Variants in FBXO15 observed in about 807,000 individuals in gnomAD.
FBXO15 encodes F-box protein 15.
A neutral mutation model predicts 49.5 loss-of-function variants in FBXO15; 30 were observed. The observed-to-expected ratio is 0.61, with a 90% CI of 0.45 to 0.82. FBXO15 has a LOEUF of 0.82. Among genes scored for constraint, FBXO15 ranks in the 40% least tolerant of loss-of-function variants. FBXO15 has a pLI of 0.00. For synonymous variants in FBXO15, 250 were observed against 232.7 expected, an observed-to-expected ratio of 1.07 and a Z score of -0.68; for missense variants, 591 against 631.5, an observed-to-expected ratio of 0.94 and a Z score of 0.69.
In FBXO15 at chr18:74,123,185, T is replaced by C. The variant is rs73476530; in HGVS notation, c.1138+183A>G. 4.2e-3 allele frequency: 2,433 copies of C among 585,816 alleles called. 49 individuals carry two copies. In the African/African-American group the frequency reaches 0.042, roughly 10 times the overall value. 36.3% of individuals were successfully genotyped at this position (585,816 alleles called of 1,614,324 possible). A position where few individuals can be genotyped will look rare whatever the true frequency, so the allele number is the denominator to read the frequency against. ...GTGGTGAAGGAGACAGAGCCAGTTC[T>C]GAAGAGACTCGGTCCAGTGAGGACT... On this transcript the variant is annotated intron_variant, in intron 8 of 9. Coordinates refer to ENST00000419743, the MANE Select transcript of FBXO15 (RefSeq NM_001142958.2).
At chr18:74,113,381 T>C (rs897709327) in intron 8 of FBXO15, among the ~76,000 whole-genome samples, 4 of 152,194 alleles carry the variant, frequency 2.6e-5, no homozygotes, top group African/African-American at 9.7e-5. Flanking sequence ...ATACAGACCA[T>C]TAATATTTGT....
intron 1 of FBXO15, among the ~76,000 whole-genome samples, chr18:74,146,593 A>G (rs967000659): frequency 4.6e-5 from 7 of 152,226 alleles, no homozygotes; most frequent in Non-Finnish European, 8.8e-5. Flanking sequence ...TCTCCTACAT[A>G]AAAGAATTTT....
Position 74,129,392 on chromosome 18 carries a change from G to A in FBXO15, c.785+13C>T. The A allele has an allele frequency of 6.2e-7, 1 of 1,610,554 alleles. No homozygotes were observed. Among genetic ancestry groups the A allele is most frequent in the Non-Finnish European group, 8.5e-7 (1 of 1,177,170 alleles). Reference sequence around the variant, plus strand: ...GATGCTCTCACTCAACAGTTCTGCTGATTGGTACTTACCTATGTTTGGTGG... The same window carrying A: ...GATGCTCTCACTCAACAGTTCTGCTAATTGGTACTTACCTATGTTTGGTGG... On this transcript the variant is annotated intron_variant, in intron 5 of 9. Transcript: ENST00000419743.
chr18:74,131,757 T>G (rs761058168), intron 3 of FBXO15, among the ~76,000 whole-genome samples: 1 of 152,200 alleles, frequency 6.6e-6, no homozygotes, highest in Non-Finnish European at 1.5e-5. Context: ...TTTGCTCATT[T>G]AGGTCTCCAC....
chr18:74,111,255 C>CT, intron 8 of FBXO15, among the ~76,000 whole-genome samples: 1 of 133,104 alleles, frequency 7.5e-6, no homozygotes, highest in African/African-American at 3.1e-5. Flanking sequence ...ACCTGAGTCT[C>CT]TGTCTCAAAA....
chr18:74,096,492 C>A (rs1157247937), intron 8 of FBXO15, among the ~76,000 whole-genome samples: 1 of 150,394 alleles, frequency 6.6e-6, no homozygotes, highest in African/African-American at 2.4e-5. Context: ...AACAACTTGG[C>A]AGTAAATAAT....
At chr18:74,129,706 G>C in intron 4 of FBXO15, 92 bp from the exon 5 acceptor site, 1 of 1,072,836 alleles carries the variant, frequency 9.3e-7, no homozygotes, top group South Asian at 1.6e-5. Context: ...AAAGCATCTA[G>C]TTCCTTAAAA....
intron 3 of FBXO15, among the ~76,000 whole-genome samples, chr18:74,133,444 G>A (rs975803556): frequency 3.3e-5 from 5 of 152,182 alleles, no homozygotes; most frequent in African/African-American, 1.2e-4. Flanking sequence ...CTTATCTGAA[G>A]AGTCTGAGTT....
intron 2 of FBXO15, 142 bp downstream of exon 2, chr18:74,140,060 G>T (rs573379305): frequency 3.2e-4 from 171 of 532,146 alleles, no homozygotes; most frequent in Non-Finnish European, 4.6e-4. Context: ...CTCATCAAAT[G>T]CTCCATGCTG....
intron 1 of FBXO15, among the ~76,000 whole-genome samples, chr18:74,147,309 G>T (rs1452219840): frequency 6.6e-6 from 1 of 152,058 alleles, no homozygotes; most frequent in Admixed American, 6.5e-5. Context: ...GAGATTCTTG[G>T]TTACAGAAGA....
intron 1 of FBXO15, among the ~76,000 whole-genome samples, chr18:74,143,776 C>G (rs1979233732): frequency 6.6e-6 from 1 of 152,182 alleles, no homozygotes; most frequent in Non-Finnish European, 1.5e-5. Context: ...TTTCTTCAGC[C>G]ATTTACTACA....
At chr18:74,132,498 C>T (rs996929413) in intron 3 of FBXO15, among the ~76,000 whole-genome samples, 3 of 152,168 alleles carry the variant, frequency 2.0e-5, no homozygotes, top group African/African-American at 7.2e-5. Context: ...AACTAACATT[C>T]GTATGATGAA....
intron 9 of FBXO15, among the ~76,000 whole-genome samples, chr18:74,079,696 T>C (rs1001327508): frequency 3.9e-5 from 6 of 152,222 alleles, no homozygotes; most frequent in Admixed American, 3.9e-4. Flanking sequence ...TTATGATCTG[T>C]TGAGTTTTTG....
chr18:74,131,489 C>T (rs1978388768), intron 3 of FBXO15, among the ~76,000 whole-genome samples: 1 of 152,182 alleles, frequency 6.6e-6, no homozygotes, highest in Non-Finnish European at 1.5e-5. Context: ...GAATAAGCTC[C>T]CCAAATTCAG....
intron 2 of FBXO15, among the ~76,000 whole-genome samples, chr18:74,139,095 G>C (rs901470073): frequency 6.6e-6 from 1 of 152,008 alleles, no homozygotes; most frequent in Non-Finnish European, 1.5e-5. Flanking sequence ...AGCTCCTCTC[G>C]AAGCTCCTGA....
At chr18:74,073,774 GAC>G in intron 9 of FBXO15, 44 bp from the exon 10 acceptor site, 1 of 1,555,200 alleles carries the variant, frequency 6.4e-7, no homozygotes, top group Admixed American at 2.0e-5. Flanking sequence ...AGGCCAATCA[GAC>G]CTGATTTTCA....
At chr18:74,093,752 G>A (rs1913157504) in intron 8 of FBXO15, among the ~76,000 whole-genome samples, 1 of 152,190 alleles carries the variant, frequency 6.6e-6, no homozygotes, top group Non-Finnish European at 1.5e-5. Context: ...ATGAGGGTTA[G>A]AATCAACTTC....
At chr18:74,126,187 T>C in intron 5 of FBXO15, 86 bp from the exon 6 acceptor site, 1 of 1,550,122 alleles carries the variant, frequency 6.5e-7, no homozygotes, top group Non-Finnish European at 8.8e-7. Flanking sequence ...GTATCACAAA[T>C]GTGTTTGAAG....
At chr18:74,120,792 G>GA (rs1393150656) in intron 8 of FBXO15, among the ~76,000 whole-genome samples, 1 of 150,320 alleles carries the variant, frequency 6.7e-6, no homozygotes, top group African/African-American at 2.4e-5. Flanking sequence ...AACATAAGCA[G>GA]AAAAAAAGTA....
Sources: allele counts gnomAD v4.1 joint callset (sites outside exome capture counted in the v4.1 genomes callset), GRCh38; gene constraint gnomAD v4.1.1; transcripts MANE v1.5; gene names NCBI Gene and HGNC (gene_info 2026-07-23, HGNC 2026-07-21).